The following ENOX1 variants were observed in gnomAD, a reference collection of about 807,000 sequenced individuals.
ENOX1 encodes the protein ecto-NOX disulfide-thiol exchanger 1.
ENOX1 carries 42 observed loss-of-function variants against 82.5 expected under a neutral mutation model. That is an observed-to-expected ratio of 0.51 (90% CI 0.40 to 0.66). ENOX1 has a LOEUF of 0.66. ENOX1 is among the 30% of genes least tolerant of loss of function. The pLI is 0.00. For missense variants in ENOX1, 608 were observed against 811.6 expected, an observed-to-expected ratio of 0.75 and a Z score of 3.05; for synonymous variants, 271 against 282.2, an observed-to-expected ratio of 0.96 and a Z score of 0.40.
chr13:43,247,145 G>A (rs139220782), intron 14 of ENOX1, among the ~76,000 whole-genome samples: 17 of 152,034 alleles, frequency 1.1e-4, no homozygotes, highest in East Asian at 5.8e-4. Flanking sequence ...TTGAAACCCC[G>A]TCTCTACTAA....
intron 2 of ENOX1, among the ~76,000 whole-genome samples, chr13:43,627,206 T>G (rs2083002125): frequency 6.6e-6 from 1 of 152,020 alleles, no homozygotes; most frequent in South Asian, 2.1e-4. Flanking sequence ...TAGCATACAG[T>G]TGGTTCATGT....
At chr13:43,304,457 A>C (rs2046754081) in intron 11 of ENOX1, among the ~76,000 whole-genome samples, 1 of 152,142 alleles carries the variant, frequency 6.6e-6, no homozygotes, top group Non-Finnish European at 1.5e-5. Flanking sequence ...AGCTCCATGT[A>C]AGTGCCGCCC....
chr13:43,400,108 T>C (rs2053407158), intron 5 of ENOX1, among the ~76,000 whole-genome samples: 1 of 152,090 alleles, frequency 6.6e-6, no homozygotes, highest in African/African-American at 2.4e-5. Context: ...CACAGAGAAC[T>C]TCCTTCTCTG....
intron 9 of ENOX1, among the ~76,000 whole-genome samples, chr13:43,329,595 A>G (rs1293130640): frequency 6.6e-6 from 1 of 152,204 alleles, no homozygotes; most frequent in Non-Finnish European, 1.5e-5. Flanking sequence ...GATATGGCCA[A>G]CATTTTCTGG....
intron 2 of ENOX1, among the ~76,000 whole-genome samples, chr13:43,643,414 T>C (rs1481307098): frequency 6.6e-6 from 1 of 152,178 alleles, no homozygotes; most frequent in Non-Finnish European, 1.5e-5. Flanking sequence ...GTTATCTCTA[T>C]GAACCACCAA....
intron 2 of ENOX1, among the ~76,000 whole-genome samples, chr13:43,502,883 A>T (rs927826848): frequency 1.3e-5 from 2 of 151,376 alleles, no homozygotes; most frequent in African/African-American, 4.8e-5. Context: ...ATATATATAT[A>T]TTTTTTACTT....
At chr13:43,361,197 T>G in intron 6 of ENOX1, 82 bp downstream of exon 6, 1 of 1,441,068 alleles carries the variant, frequency 6.9e-7, no homozygotes. Context: ...GAGTCACATC[T>G]GAAAATGACT....
At chr13:43,262,273 A>C (rs1000750418) in intron 14 of ENOX1, among the ~76,000 whole-genome samples, 3 of 152,168 alleles carry the variant, frequency 2.0e-5, no homozygotes, top group Admixed American at 1.3e-4. Flanking sequence ...TTTGCTTTTT[A>C]CTTTTATAAT....
intron 1 of ENOX1, among the ~76,000 whole-genome samples, chr13:43,751,626 G>A (rs771400854): frequency 2.0e-5 from 3 of 152,136 alleles, no homozygotes; most frequent in Non-Finnish European, 4.4e-5. Context: ...AGGGAATCAT[G>A]CAATATGTAG....
intron 14 of ENOX1, among the ~76,000 whole-genome samples, chr13:43,260,296 T>G (rs1341959800): frequency 6.6e-6 from 1 of 152,252 alleles, no homozygotes; most frequent in East Asian, 1.9e-4. Flanking sequence ...TGTTTTTGTT[T>G]CACTGGTGAA....
chr13:43,728,509 G>A (rs2089132067), intron 1 of ENOX1, among the ~76,000 whole-genome samples: 1 of 152,128 alleles, frequency 6.6e-6, no homozygotes, highest in South Asian at 2.1e-4. Flanking sequence ...TCCCCTCAGT[G>A]AACATTTAGA....
At chr13:43,427,040 C>T (rs758121936) in intron 3 of ENOX1, among the ~76,000 whole-genome samples, 5 of 152,130 alleles carry the variant, frequency 3.3e-5, no homozygotes, top group Non-Finnish European at 7.4e-5. Context: ...ATAAAATTTG[C>T]ACAGAAATGC....
At chr13:43,604,990 C>A (rs748408773) in intron 2 of ENOX1, among the ~76,000 whole-genome samples, 7 of 151,934 alleles carry the variant, frequency 4.6e-5, no homozygotes, top group Non-Finnish European at 7.4e-5. Context: ...AAAAAGAAAT[C>A]TAGAAAGTAA....
At chr13:43,548,682 G>C (rs1278881591) in intron 2 of ENOX1, among the ~76,000 whole-genome samples, 2 of 152,180 alleles carry the variant, frequency 1.3e-5, no homozygotes, top group Non-Finnish European at 2.9e-5. Flanking sequence ...CCTGTGGTCT[G>C]AATGGCCAGC....
intron 1 of ENOX1, among the ~76,000 whole-genome samples, chr13:43,686,946 C>A (rs751646105): frequency 6.6e-6 from 1 of 152,118 alleles, no homozygotes; most frequent in Non-Finnish European, 1.5e-5. Flanking sequence ...TCATGCAAAA[C>A]CAAAGCACAA....
intron 9 of ENOX1, among the ~76,000 whole-genome samples, chr13:43,328,052 A>C (rs2048213198): frequency 6.6e-6 from 1 of 152,094 alleles, no homozygotes; most frequent in Non-Finnish European, 1.5e-5. Context: ...ATTTGCCTTC[A>C]ATTTGTCTCA....
intron 1 of ENOX1, among the ~76,000 whole-genome samples, chr13:43,770,377 G>A (rs1273885025): frequency 2.0e-5 from 3 of 152,120 alleles, no homozygotes; most frequent in African/African-American, 7.2e-5. Flanking sequence ...CTACCATTAG[G>A]AGCATGAAAA....
At chr13:43,332,427 C>T (rs911428973) in intron 9 of ENOX1, among the ~76,000 whole-genome samples, 7 of 152,290 alleles carry the variant, frequency 4.6e-5, no homozygotes, top group East Asian at 1.9e-4. Flanking sequence ...TGCTCACTTC[C>T]TGCTGTGCGG....
rs115912293 is a variant in ENOX1 at position 43,454,026 on chromosome 13, C to G, written c.-75+29983G>C. ...TGAAAGATTAAAAAATCACCATCAG[C>G]TTCTTCCTCTCTTGTTTTTGCTTTA... On this transcript the variant is annotated intron_variant, in intron 3 of 16. Coordinates refer to ENST00000690772, the MANE Select transcript of ENOX1 (RefSeq NM_001347969.2). Among the ~76,000 whole-genome samples the G allele has an allele frequency of 6.9e-3, 1,051 of 152,204 alleles. 9 individuals are homozygous for G. Among genetic ancestry groups the G allele is most frequent in the African/African-American group, 0.022 (916 of 41,532 alleles).
Sources: allele counts gnomAD v4.1 joint callset (sites outside exome capture counted in the v4.1 genomes callset), GRCh38; gene constraint gnomAD v4.1.1; transcripts MANE v1.5; gene names NCBI Gene and HGNC (gene_info 2026-07-23, HGNC 2026-07-21).